The following ACHE variants were observed in gnomAD, a reference collection of about 807,000 sequenced individuals.
ACHE encodes the protein acetylcholinesterase (Yt blood group).
ACHE carries 19 observed loss-of-function variants against 53.9 expected under a neutral mutation model. The ratio of observed to expected loss-of-function variants is 0.35; its 90% CI spans 0.25 to 0.52. The LOEUF is 0.52. Among genes scored for constraint, ACHE ranks in the 20% least tolerant of loss-of-function variants. The pLI is 0.95. For missense variants in ACHE, 605 were observed against 849.4 expected (o/e 0.71, Z 3.58); for synonymous variants, 392 against 378.1 (o/e 1.04, Z -0.43).
intron 3 of ACHE, 62 bp from the exon 4 acceptor site, chr7:100,891,400 A>C (rs1790689201): frequency 6.8e-7 from 1 of 1,464,406 alleles, no homozygotes. Flanking sequence ...CCCCAACTCC[A>C]CGGGATCCCG....
chr7:100,893,013 G>A (rs1195794408), intron 2 of ACHE, 152 bp downstream of exon 2: 3 of 1,177,468 alleles, frequency 2.5e-6, no homozygotes, highest in Non-Finnish European at 3.5e-6. Flanking sequence ...TGTCTGCCCT[G>A]CTGACCACCC....
rs181684117 is a variant in ACHE, at chr7:100,893,145, G to T, written c.1068+20C>A. On this transcript the variant is annotated intron_variant, in intron 2 of 4. Transcript: ENST00000241069. ...TGGGACCCAGAGGAGCCAGCTTCAC[G>T]CCAGCTAGCCACTAGTTACCTGCAG... is the stretch of plus-strand genomic sequence containing the variant. 2.5e-6 allele frequency: 4 copies of T among 1,610,626 alleles called. No homozygotes were observed. The highest frequency in any genetic ancestry group is 3.4e-6 in the Non-Finnish European group (4 of 1,178,192).
chr7:100,892,136 C>T lies in ACHE; in HGVS notation c.1553+198G>A, dbSNP rs1355990887. On this transcript the variant is annotated intron_variant, in intron 3 of 4. Coordinates refer to ENST00000241069, the MANE Select transcript of ACHE (RefSeq NM_000665.5). This position sits in a 1 kb window ranked among gnomAD's most constrained non-coding sequence, Gnocchi z 5.2. ...TCCTCACTTTCCTTTGCCTCTGTCT[C>T]TGCAAGACCCCCTCTGCCTTCTCTG... 1.3e-5 allele frequency among the ~76,000 whole-genome samples: 2 copies of T among 151,864 alleles called. No individual in the cohort carries two copies. Among genetic ancestry groups the T allele is most frequent in the Non-Finnish European group, 2.9e-5 (2 of 67,956 alleles).
chr7:100,891,070 G>C (rs1206326384), intron 4 of ACHE, 99 bp downstream of exon 4: 2 of 1,513,442 alleles, frequency 1.3e-6, no homozygotes, highest in Non-Finnish European at 1.8e-6. Flanking sequence ...GCCTGGGCAG[G>C]TGCTGGGAGC....
chr7:100,891,513 C>T (rs1159920267), intron 3 of ACHE, among the ~76,000 whole-genome samples, 175 bp from the exon 4 acceptor site: 1 of 152,024 alleles, frequency 6.6e-6, no homozygotes, highest in African/African-American at 2.4e-5. Flanking sequence ...TCAAGCGCTC[C>T]GTCTCCTTCC....
At chr7:100,895,611 C>T (rs1243407345) in intron 1 of ACHE, among the ~76,000 whole-genome samples, 191 bp downstream of exon 1, 5 of 152,194 alleles carry the variant, frequency 3.3e-5, no homozygotes, top group Non-Finnish European at 5.9e-5. Flanking sequence ...GCTCGGGCTC[C>T]TGCGTGGGCG....
rs767217162 is a variant in ACHE, at chr7:100,894,166, A to AGAG, written c.64_66dup (p.Leu22dup). On this transcript the variant is annotated inframe_insertion, in exon 2 of 5. Transcript: ENST00000241069. ...GCCCCCACTCCTCCACCCAGGAGCC[A>AGAG]GAGGAGGAGGAGAAGGAGTGGGGAA... is the stretch of plus-strand genomic sequence containing the variant. 1 of 1,485,242 alleles carries AGAG rather than the reference A, an allele frequency of 6.7e-7. No individual in the cohort carries two copies. Among genetic ancestry groups the AGAG allele is most frequent in the Non-Finnish European group, 8.9e-7 (1 of 1,124,032 alleles). 92.0% of individuals were successfully genotyped at this position (1,485,242 alleles called of 1,614,324 possible).
chr7:100,890,911 A>G, intron 4 of ACHE: 2 of 1,472,892 alleles, frequency 1.4e-6, no homozygotes, highest in African/African-American at 1.4e-5. Flanking sequence ...CGGTCCGACC[A>G]CTCATTAGAG....
chr7:100,893,652 C>T lies in ACHE; in HGVS notation c.581G>A (p.Gly194Glu), dbSNP rs1167741919. The change falls in exon 2 of 5, where the codon GGG becomes GAG. Residue 194 changes from glycine to glutamate, a missense_variant. By Grantham distance (98) the Gly-to-Glu change is moderately conservative. Around this residue, in one of 4 missense-constraint regions of ACHE, gnomAD observed 397 missense variants for 632.5 expected, o/e 0.63. Coordinates refer to ENST00000241069, the MANE Select transcript of ACHE (RefSeq NM_000665.5). ...CACATTGCCCGGGGCCTCTCGGCTC[C>T]CCGGCAGGGCCAGGAAGCCAAAGGC... ...VGAFGFLALP[G>E]SREAPGNVGL... is the part of the protein sequence containing the mutation. 1.2e-6 allele frequency: 2 copies of T among 1,613,128 alleles called. No individual in the cohort carries two copies. Among genetic ancestry groups the T allele is most frequent in the Non-Finnish European group, 1.7e-6 (2 of 1,180,032 alleles).
In ACHE at chr7:100,891,352, G is replaced by T. The variant is rs1434090150; in HGVS notation, c.1554-14C>A. 1 of 1,530,592 alleles carries T rather than the reference G, an allele frequency of 6.5e-7. No individual in the cohort carries two copies. Among genetic ancestry groups the T allele is most frequent in the Non-Finnish European group, 8.7e-7 (1 of 1,143,776 alleles). The allele number at this position is 1,530,592 out of a possible 1,614,324, so 94.8% of individuals were successfully genotyped here. A position where few individuals can be genotyped will look rare whatever the true frequency, so the allele number is the denominator to read the frequency against. ...TCATTGGGATCCCTGCGGAAGGAAG[G>T]GAAGGCTCAGTCCAGACGGGCAGTG... is the stretch of plus-strand genomic sequence containing the variant. On this transcript the variant is annotated splice_polypyrimidine_tract_variant and intron_variant, in intron 3 of 4. Coordinates refer to ENST00000241069, the MANE Select transcript of ACHE (RefSeq NM_000665.5).
At chr7:100,895,489 G>T (rs1431634939) in intron 1 of ACHE, among the ~76,000 whole-genome samples, 3 of 152,066 alleles carry the variant, frequency 2.0e-5, no homozygotes, top group African/African-American at 7.2e-5. Context: ...CTCGGGTACC[G>T]CCCCAATTAG....
chr7:100,896,618 C>G, upstream of ACHE: 1 of 270,078 alleles, frequency 3.7e-6, no homozygotes, highest in Non-Finnish European at 7.9e-6. Flanking sequence ...TCCGCGGCGG[C>G]AGTGGAAACT....
In ACHE at chr7:100,892,954, T is replaced by C; in HGVS notation, c.1069-136A>G. The C allele has an allele frequency of 1.6e-6, 2 of 1,264,930 alleles. No individual in the cohort carries two copies. The highest frequency in any genetic ancestry group is 2.1e-6 in the Non-Finnish European group (2 of 937,684). 78.4% of individuals were successfully genotyped at this position (1,264,930 alleles called of 1,614,324 possible). On this transcript the variant is annotated intron_variant, in intron 2 of 4. Coordinates refer to ENST00000241069, the MANE Select transcript of ACHE (RefSeq NM_000665.5). This position sits in a 1 kb window ranked among gnomAD's most constrained non-coding sequence, Gnocchi z 5.2. Reference sequence around the variant, plus strand: ...AACCATGGACAGAGAGAGGACGAGATCAGGGGAGGGATGCAGAGAAAGAGA... The same window carrying C: ...AACCATGGACAGAGAGAGGACGAGACCAGGGGAGGGATGCAGAGAAAGAGA...
At chr7:100,896,659 G>C, upstream of ACHE, 2 of 303,178 alleles carry the variant, frequency 6.6e-6, no homozygotes, top group Non-Finnish European at 1.4e-5. Flanking sequence ...GTCTGTGCTG[G>C]TTCCCTGACG....
At chr7:100,890,578 C>A in intron 4 of ACHE, 1 of 1,385,600 alleles carries the variant, frequency 7.2e-7, no homozygotes, top group East Asian at 2.7e-5. Flanking sequence ...AAAAGAATGA[C>A]CGGAAGACGG....
intron 1 of ACHE, among the ~76,000 whole-genome samples, chr7:100,894,701 CG>C: frequency 6.6e-6 from 1 of 152,092 alleles, no homozygotes; most frequent in South Asian, 2.1e-4. Flanking sequence ...CGGCCAGACC[CG>C]GGGCCCTGGG....
intron 4 of ACHE, chr7:100,890,964 C>T: frequency 1.4e-6 from 2 of 1,468,880 alleles, no homozygotes; most frequent in Non-Finnish European, 1.8e-6. Flanking sequence ...GTGTTCACAG[C>T]CGCCGGAGGT....
chr7:100,896,429 A>G (rs1791039589), upstream of ACHE: 2 of 168,412 alleles, frequency 1.2e-5, no homozygotes, highest in South Asian at 1.8e-4. Context: ...GTGACGTGGG[A>G]CACTCCTGGG....
Position 100,893,300 on chromosome 7 carries a change from G to A in ACHE, c.933C>T (p.Val311=). 1.2e-6 allele frequency: 2 copies of A among 1,613,996 alleles called. No homozygotes were observed. The highest frequency in any genetic ancestry group is 1.7e-6 in the Non-Finnish European group (2 of 1,180,018). The change falls in exon 2 of 5, where the codon GTC becomes GTT. Residue 311 remains valine, a synonymous_variant. Transcript: ENST00000241069. ...GCACGTGCCATTCGTGGTTCACCAG[G>A]ACCTGCGCTGGTCGTGTCCGAAGGC... ...VACLRTRPAQ[V]LVNHEWHVLP...
Sources: gnomAD v4.1 joint callset for allele counts (sites outside exome capture counted in the v4.1 genomes callset) on GRCh38, gnomAD v4.1.1 for gene constraint, gnomAD v4.1.1 regional missense constraint, Gnocchi (gnomAD v3.1) non-coding constraint, MANE v1.5 for transcripts, NCBI Gene and HGNC (gene_info 2026-07-23, HGNC 2026-07-21) for gene names.